Variants in FBLN1 observed in about 807,000 individuals in gnomAD.
FBLN1 encodes the protein fibulin-1.
FBLN1 carries 34 observed loss-of-function variants against 89.7 expected under a neutral mutation model. The observed-to-expected ratio is 0.38, with a 90% CI of 0.29 to 0.50. The LOEUF is 0.50. FBLN1 is among the 20% of genes least tolerant of loss of function. The pLI, the probability that FBLN1 is intolerant of heterozygous loss-of-function variation, is 0.92. For missense variants in FBLN1, 777 were observed against 988.1 expected (o/e 0.79, Z 2.86); for synonymous variants, 393 against 391.3 (o/e 1.00, Z -0.05).
rs1178250840 is a variant in FBLN1 at position 45,563,256 on chromosome 22, C to T, written c.1698-11255C>T. 3 of 1,613,564 alleles carry T rather than the reference C, an allele frequency of 1.9e-6. No individual in the cohort carries two copies. Among genetic ancestry groups the T allele is most frequent in the Non-Finnish European group, 2.5e-6 (3 of 1,180,056 alleles). On this transcript the variant is annotated intron_variant, in intron 14 of 16. Transcript: ENST00000327858. The surrounding 1 kb of genome is among the most constrained non-coding windows in gnomAD (Gnocchi z 5.7). ...GCCAAGCTTTTCATCTTTGTGTCTG[C>T]AGAGCTCTGAGCACTCGCTTCGCGT...
chr22:45,576,915 A>G lies in FBLN1; in HGVS notation c.1841-62A>G. ...CCCCAAGGGTGAGTTCCTGGGGACGAGGCTGGGACTGGGGCTGGGGCCAGG... is the reference window on the plus strand; with the variant it reads ...CCCCAAGGGTGAGTTCCTGGGGACGGGGCTGGGACTGGGGCTGGGGCCAGG... On this transcript the variant is annotated intron_variant, in intron 15 of 16. Coordinates refer to ENST00000327858, the MANE Select transcript of FBLN1 (RefSeq NM_006486.3). This position sits in a 1 kb window ranked among gnomAD's most constrained non-coding sequence, Gnocchi z 5.2. 6.2e-7 allele frequency: 1 copy of G among 1,605,726 alleles called. No homozygotes were observed. The highest frequency in any genetic ancestry group is 1.1e-5 in the South Asian group (1 of 90,874).
intron 14 of FBLN1, chr22:45,565,512 C>G (rs1247293226): frequency 3.4e-6 from 1 of 294,938 alleles, no homozygotes; most frequent in African/African-American, 2.2e-5. Flanking sequence ...GCCTGAGCTC[C>G]CCTGGCCCCA....
At chr22:45,554,678 G>A (rs578224101) in intron 14 of FBLN1, among the ~76,000 whole-genome samples, 6 of 152,340 alleles carry the variant, frequency 3.9e-5, no homozygotes, top group African/African-American at 1.2e-4. Context: ...AGGCCAGGAC[G>A]AGAGGATGCT....
In FBLN1 at chr22:45,600,549, A is replaced by G; in HGVS notation, c.*103A>G. 2 of 1,346,238 alleles carry G rather than the reference A, an allele frequency of 1.5e-6. No homozygotes were observed. Among genetic ancestry groups the G allele is most frequent in the Non-Finnish European group, 2.1e-6 (2 of 938,116 alleles). 83.4% of individuals were successfully genotyped at this position (1,346,238 alleles called of 1,614,324 possible). A position where few individuals can be genotyped will look rare whatever the true frequency, so the allele number is the denominator to read the frequency against. ...TATACCCTCAGACTTTTTTAATGTT[A>G]GGTATTTGTAGCATTAGGCCAACAT... is the stretch of plus-strand genomic sequence containing the variant. On this transcript the variant is annotated 3_prime_UTR_variant, in exon 17 of 17. Coordinates refer to ENST00000327858, the MANE Select transcript of FBLN1 (RefSeq NM_006486.3).
chr22:45,568,512 T>TCTGTAGGGGAGTGCTC, intron 14 of FBLN1, among the ~76,000 whole-genome samples: 4 of 148,846 alleles, frequency 2.7e-5, no homozygotes, highest in African/African-American at 1.0e-4. Context: ...GAGTGCTCCT[T>TCTGTAGGGGAGTGCTC]CTGTAGGGGA....
intron 12 of FBLN1, among the ~76,000 whole-genome samples, chr22:45,548,011 C>T (rs1158767298): frequency 1.3e-5 from 2 of 152,102 alleles, no homozygotes; most frequent in African/African-American, 2.4e-5. Context: ...AGGGCAATTA[C>T]GATGATTACC....
Position 45,531,401 on chromosome 22 carries a change from T to A in FBLN1, c.544+77T>A. The A allele has an allele frequency of 7.6e-7, 1 of 1,311,518 alleles. No individual in the cohort carries two copies. Among genetic ancestry groups the A allele is most frequent in the Non-Finnish European group, 1.1e-6 (1 of 906,814 alleles). 81.2% of individuals were successfully genotyped at this position (1,311,518 alleles called of 1,614,324 possible). A position where few individuals can be genotyped will look rare whatever the true frequency, so the allele number is the denominator to read the frequency against. On this transcript the variant is annotated intron_variant, in intron 5 of 16. Transcript: ENST00000327858. The surrounding 1 kb of genome is among the most constrained non-coding windows in gnomAD (Gnocchi z 4.9). ...CCAGCAAGGTGGCTCAGGCCTGTAA[T>A]CCTAGTACTTTGGGAAGCCAAGGCA... is the stretch of plus-strand genomic sequence containing the variant.
chr22:45,540,390 G>C (rs1005482081), intron 8 of FBLN1, among the ~76,000 whole-genome samples: 20 of 152,208 alleles, frequency 1.3e-4, no homozygotes, highest in African/African-American at 4.8e-4. Flanking sequence ...AGCGCGAAGG[G>C]CTGACTCATT....
intron 1 of FBLN1, among the ~76,000 whole-genome samples, chr22:45,513,537 T>C (rs6007073): frequency 0.13 from 19,252 of 152,012 alleles, 1,848 homozygotes; most frequent in African/African-American, 0.27. Flanking sequence ...TCTAAGTGTA[T>C]GGTCCAATGG....
chr22:45,575,391 G>A lies in FBLN1; in HGVS notation c.1840+738G>A, dbSNP rs1156852477. Among the ~76,000 whole-genome samples, 8 of 152,036 alleles carry A rather than the reference G, an allele frequency of 5.3e-5. No individual in the cohort carries two copies. Among genetic ancestry groups the A allele is most frequent in the African/African-American group, 7.2e-5 (3 of 41,388 alleles). On this transcript the variant is annotated intron_variant, in intron 15 of 16. Transcript: ENST00000327858. The surrounding 1 kb of genome is among the most constrained non-coding windows in gnomAD (Gnocchi z 6.3). ...TCTGGAGGTATGGGGGGGCGGTGTGGGCGTTTGAGAAACTGAGCCAAGGTT... is the reference window on the plus strand; with the variant it reads ...TCTGGAGGTATGGGGGGGCGGTGTGAGCGTTTGAGAAACTGAGCCAAGGTT...
intron 1 of FBLN1, among the ~76,000 whole-genome samples, chr22:45,505,811 G>A (rs1008278900): frequency 5.3e-5 from 8 of 151,954 alleles, no homozygotes; most frequent in Non-Finnish European, 1.0e-4. Context: ...CGCTCTTGTC[G>A]CCCAGGCTGG....
At chr22:45,595,445 G>A (rs952963155) in intron 16 of FBLN1, among the ~76,000 whole-genome samples, 2 of 152,130 alleles carry the variant, frequency 1.3e-5, no homozygotes, top group Non-Finnish European at 2.9e-5. Flanking sequence ...TCCAGGCCCC[G>A]AATCTGACCA....
At chr22:45,518,295 C>G (rs1243816225) in intron 1 of FBLN1, among the ~76,000 whole-genome samples, 1 of 152,256 alleles carries the variant, frequency 6.6e-6, no homozygotes, top group East Asian at 1.9e-4. Context: ...GGCCGTGCCT[C>G]TGTCATCAGG....
At chr22:45,547,276 G>A in intron 12 of FBLN1, 72 bp downstream of exon 12, 2 of 1,589,830 alleles carry the variant, frequency 1.3e-6, no homozygotes, top group Non-Finnish European at 1.7e-6. Context: ...CACGGCCTCT[G>A]ACTTTCAAAA....
At position 45,574,366 on chromosome 22, in the gene FBLN1, G is replaced by A; in HGVS notation, c.1698-145G>A. On this transcript the variant is annotated intron_variant, in intron 14 of 16. Transcript: ENST00000327858. This position sits in a 1 kb window ranked among gnomAD's most constrained non-coding sequence, Gnocchi z 4.1. ...CTCCCCACAGAGCAGCCAGGCTGCAGAGACCACTGTCGTTCTCTGATGGAG... is the reference window on the plus strand; with the variant it reads ...CTCCCCACAGAGCAGCCAGGCTGCAAAGACCACTGTCGTTCTCTGATGGAG... The A allele has an allele frequency of 1.2e-6, 1 of 852,102 alleles. No individual in the cohort carries two copies. 52.8% of individuals were successfully genotyped at this position (852,102 alleles called of 1,614,324 possible).
rs1350422171 is a variant in FBLN1 at position 45,579,703 on chromosome 22, C to T, written c.1972+2595C>T. The stretch of plus-strand genomic sequence containing the variant: ...ACTGAGACCAGGGAGGCAAGCCCTG[C>T]GTGTTGGGACCTAGGCTGCATTGCT... On this transcript the variant is annotated intron_variant, in intron 16 of 16. Coordinates refer to ENST00000327858, the MANE Select transcript of FBLN1 (RefSeq NM_006486.3). The surrounding 1 kb of genome is among the most constrained non-coding windows in gnomAD (Gnocchi z 5.5). Among the ~76,000 whole-genome samples the T allele has an allele frequency of 6.6e-6, 1 of 152,184 alleles. No individual in the cohort carries two copies. Among genetic ancestry groups the T allele is most frequent in the Non-Finnish European group, 1.5e-5 (1 of 68,026 alleles).
At chr22:45,525,095 GA>G (rs2088303263) in intron 2 of FBLN1, among the ~76,000 whole-genome samples, 1 of 145,730 alleles carries the variant, frequency 6.9e-6, no homozygotes, top group African/African-American at 2.6e-5. Flanking sequence ...GAGAGAAAGA[GA>G]GAAAGGGAAA....
chr22:45,509,656 C>CA (rs1172335619), intron 1 of FBLN1, among the ~76,000 whole-genome samples: 1 of 152,032 alleles, frequency 6.6e-6, no homozygotes, highest in East Asian at 1.9e-4. Context: ...ACTAAAAATA[C>CA]AAAAAATTAG....
chr22:45,551,735 C>G (rs1016644421), intron 14 of FBLN1, among the ~76,000 whole-genome samples: 7 of 152,202 alleles, frequency 4.6e-5, no homozygotes. Flanking sequence ...AACAGCCTGC[C>G]CCAGGCAGTG....
Sources: allele counts gnomAD v4.1 joint callset (sites outside exome capture counted in the v4.1 genomes callset), GRCh38; gene constraint gnomAD v4.1.1; non-coding constraint Gnocchi (gnomAD v3.1); transcripts MANE v1.5; gene names NCBI Gene and HGNC (gene_info 2026-07-23, HGNC 2026-07-21).